NFATC1: variants seen among roughly 807,000 people sequenced by gnomAD.
NFATC1 encodes nuclear factor of activated T-cells, cytoplasmic 1.
NFATC1 carries 22 observed loss-of-function variants against 76.0 expected under a neutral mutation model. The ratio of observed to expected loss-of-function variants is 0.29; its 90% CI spans 0.21 to 0.41. NFATC1 has a LOEUF of 0.41. Among genes scored for constraint, NFATC1 ranks in the 10% least tolerant of loss-of-function variants. NFATC1 has a pLI of 1.00. For missense variants in NFATC1, 1,357 were observed against 1,337.7 expected (o/e 1.01, Z -0.23); for synonymous variants, 704 against 613.1 (o/e 1.15, Z -2.19).
chr18:79,486,763 C>T lies in NFATC1; in HGVS notation c.2608C>T (p.Pro870Ser), dbSNP rs750232462. Residue 870 changes from proline (P) to serine (S), a missense_variant, in exon 9 of 10, where the codon CCC (proline) becomes TCC (serine). Pro to Ser is a moderately conservative substitution (Grantham distance 74, BLOSUM62 -1). Transcript: ENST00000427363. ...CLQPCSPACP[P>S]ATGRPQHLPS... Reference sequence around the variant, plus strand: ...GCAGCCCTGCAGCCCAGCGTGCCCGCCCGCCACGGGCCGCCCGCAGCACCT... The same window carrying T: ...GCAGCCCTGCAGCCCAGCGTGCCCGTCCGCCACGGGCCGCCCGCAGCACCT... 1 of 1,605,984 alleles carries T rather than the reference C, an allele frequency of 6.2e-7. No individual in the cohort carries two copies. Among genetic ancestry groups the T allele is most frequent in the South Asian group, 1.1e-5 (1 of 90,712 alleles).
At chr18:79,441,424 A>T (rs537220533) in intron 3 of NFATC1, among the ~76,000 whole-genome samples, 5 of 152,176 alleles carry the variant, frequency 3.3e-5, no homozygotes, top group African/African-American at 1.2e-4. Context: ...TGAGCCACTG[A>T]CCAGCAGGCT....
At chr18:79,527,341 G>T (rs1281861756) in intron 9 of NFATC1, 187 bp from the exon 10 acceptor site, 7 of 574,248 alleles carry the variant, frequency 1.2e-5, no homozygotes, top group Non-Finnish European at 2.2e-5. Flanking sequence ...CCAGCTCTCT[G>T]CCGAGGCAGC....
chr18:79,411,329 C>G lies in NFATC1; in HGVS notation c.1054C>G (p.Pro352Ala), dbSNP rs775901642. The G allele has an allele frequency of 6.2e-7, 1 of 1,600,012 alleles. No homozygotes were observed. Among genetic ancestry groups the G allele is most frequent in the Non-Finnish European group, 8.5e-7 (1 of 1,175,216 alleles). Reference sequence around the variant, plus strand: ...GCCCTCAGTGGCGCTCAAGGTGGAGCCCGTCGGGGAGGACCTGGGCAGCCC... The same window carrying G: ...GCCCTCAGTGGCGCTCAAGGTGGAGGCCGTCGGGGAGGACCTGGGCAGCCC... Reference protein sequence around the residue: ...QPPSVALKVEPVGEDLGSPPP... With the variant: ...QPPSVALKVEAVGEDLGSPPP... The change falls in exon 2 of 10, where the codon CCC (proline) becomes GCC (alanine). Residue 352 changes from proline (P) to alanine (A), a missense_variant. By Grantham distance (27) the Pro-to-Ala change is conservative. Around this residue, in one of 3 missense-constraint regions of NFATC1, gnomAD observed 691 missense variants for 613.1 expected, o/e 1.13. Coordinates refer to ENST00000427363, the MANE Select transcript of NFATC1 (RefSeq NM_001278669.2).
intron 8 of NFATC1, among the ~76,000 whole-genome samples, chr18:79,474,712 G>A (rs145041024): frequency 0.095 from 14,020 of 147,736 alleles, 735 homozygotes; most frequent in Non-Finnish European, 0.13. Flanking sequence ...TGAGGGAAGC[G>A]TGTTCTCACG....
At chr18:79,471,394 G>A (rs2088781890) in intron 8 of NFATC1, among the ~76,000 whole-genome samples, 1 of 152,228 alleles carries the variant, frequency 6.6e-6, no homozygotes, top group African/African-American at 2.4e-5. Context: ...GGGGCTGCGG[G>A]CACTTTGGAG....
At chr18:79,515,458 G>GGGT (rs1328164427) in intron 9 of NFATC1, among the ~76,000 whole-genome samples, 2 of 151,986 alleles carry the variant, frequency 1.3e-5, no homozygotes, top group African/African-American at 4.8e-5. Context: ...GGTGGTGGGC[G>GGGT]GGTGGTGGTG....
chr18:79,489,551 C>A (rs1305299832), intron 9 of NFATC1, among the ~76,000 whole-genome samples: 5 of 152,244 alleles, frequency 3.3e-5, no homozygotes, highest in Non-Finnish European at 5.9e-5. Context: ...CCTCTCCCCG[C>A]AGAGTGAGCT....
intron 9 of NFATC1, among the ~76,000 whole-genome samples, chr18:79,518,823 C>T (rs367680778): frequency 6.6e-5 from 10 of 152,232 alleles, no homozygotes; most frequent in Non-Finnish European, 8.8e-5. Flanking sequence ...CCTCAGTGGA[C>T]GGCCGTTGAT....
chr18:79,453,908 C>T (rs916074921), intron 6 of NFATC1, among the ~76,000 whole-genome samples: 7 of 152,354 alleles, frequency 4.6e-5, no homozygotes, highest in East Asian at 1.9e-4. Context: ...AGGCGGGAGC[C>T]GTTGCTTACA....
intron 6 of NFATC1, among the ~76,000 whole-genome samples, chr18:79,460,449 G>T (rs1287865601): frequency 6.6e-6 from 1 of 152,192 alleles, no homozygotes. Flanking sequence ...GCCAGGCCGT[G>T]CACACACCCA....
At chr18:79,463,832 G>A (rs1247474221) in intron 7 of NFATC1, among the ~76,000 whole-genome samples, 1 of 152,216 alleles carries the variant, frequency 6.6e-6, no homozygotes, top group Non-Finnish European at 1.5e-5. Context: ...GCGGGTTGCG[G>A]GATGCAGGAT....
At chr18:79,463,802 C>T (rs1036983355) in intron 7 of NFATC1, among the ~76,000 whole-genome samples, 12 of 152,234 alleles carry the variant, frequency 7.9e-5, no homozygotes, top group South Asian at 2.1e-4. Context: ...CCACAGGCTT[C>T]GCCAGCCCCG....
chr18:79,434,525 G>A (rs1342708984), intron 3 of NFATC1, among the ~76,000 whole-genome samples: 3 of 152,230 alleles, frequency 2.0e-5, no homozygotes, highest in Non-Finnish European at 4.4e-5. Context: ...GTCAGCTATA[G>A]GCCCCAGGCC....
Position 79,410,482 on chromosome 18 carries a change from C to G in NFATC1, c.207C>G (p.Cys69Trp). ...CGCACTCCACCCTGCCGGCCCCGTGCCACAACCTTCAGACCTCCACACCGG... is the reference window on the plus strand; with the variant it reads ...CGCACTCCACCCTGCCGGCCCCGTGGCACAACCTTCAGACCTCCACACCGG... ...PTAHSTLPAP[C>W]HNLQTSTPGI... The change falls in exon 2 of 10, where the codon TGC becomes TGG. Residue 69 changes from cysteine (C) to tryptophan (W), a missense_variant. Coordinates refer to ENST00000427363, the MANE Select transcript of NFATC1 (RefSeq NM_001278669.2). The surrounding 1 kb of genome is among the most constrained non-coding windows in gnomAD (Gnocchi z 6.7). 6.2e-7 allele frequency: 1 copy of G among 1,612,376 alleles called. No homozygotes were observed. Among genetic ancestry groups the G allele is most frequent in the Non-Finnish European group, 8.5e-7 (1 of 1,179,910 alleles).
At chr18:79,453,459 C>A (rs866522645) in intron 6 of NFATC1, among the ~76,000 whole-genome samples, 1 of 152,262 alleles carries the variant, frequency 6.6e-6, no homozygotes, top group Non-Finnish European at 1.5e-5. Flanking sequence ...GGATGCAGGA[C>A]CAGCCCTGGC....
At chr18:79,448,621 C>T (rs754389527) in intron 3 of NFATC1, 161 bp from the exon 4 acceptor site, 2 of 701,900 alleles carry the variant, frequency 2.8e-6, no homozygotes, top group Non-Finnish European at 4.7e-6. Context: ...ATTTTCTAAT[C>T]TGATTTACAA....
At chr18:79,477,659 C>T (rs918281602) in intron 8 of NFATC1, among the ~76,000 whole-genome samples, 5 of 152,060 alleles carry the variant, frequency 3.3e-5, no homozygotes, top group Non-Finnish European at 5.9e-5. Context: ...GAAGGGGGTC[C>T]GGGGCACTGT....
At chr18:79,491,631 G>T (rs1459946555) in intron 9 of NFATC1, among the ~76,000 whole-genome samples, 2 of 152,198 alleles carry the variant, frequency 1.3e-5, no homozygotes, top group African/African-American at 4.8e-5. Context: ...AGCCCTGCCG[G>T]GTCCACTTTC....
chr18:79,455,384 C>T lies in NFATC1; in HGVS notation c.1903+3568C>T, dbSNP rs562668572. ...GGCCAGCTGGGGCCTGGACGGCCGG[C>T]GTCTCCTTCTCCAGGTAATCAGGGC... On this transcript the variant is annotated intron_variant, in intron 6 of 9. Transcript: ENST00000427363. Among the ~76,000 whole-genome samples, 22 of 144,744 alleles carry T rather than the reference C, an allele frequency of 1.5e-4. No homozygotes were observed. In the East Asian group the frequency reaches 4.4e-3, roughly 29 times the overall value. 95.0% of individuals were successfully genotyped at this position (144,744 alleles called of 152,430 possible). A position where few individuals can be genotyped will look rare whatever the true frequency, so the allele number is the denominator to read the frequency against.
Sources: allele counts gnomAD v4.1 joint callset (sites outside exome capture counted in the v4.1 genomes callset), GRCh38; gene constraint gnomAD v4.1.1; regional missense constraint gnomAD v4.1.1; non-coding constraint Gnocchi (gnomAD v3.1); transcripts MANE v1.5; gene names NCBI Gene and HGNC (gene_info 2026-07-23, HGNC 2026-07-21).